Variants in KANSL3 observed in about 807,000 individuals in gnomAD.
KANSL3 encodes NSL complex protein NSL3.
KANSL3 carries 16 observed loss-of-function variants against 89.2 expected under a neutral mutation model. The observed-to-expected ratio is 0.18, with a 90% CI of 0.12 to 0.27. KANSL3 has a LOEUF of 0.27. KANSL3 is among the 10% of genes least tolerant of loss of function. The probability of loss-of-function intolerance (pLI) is 1.00; values close to 1 mark genes in which losing one functional copy is unlikely to be tolerated. For synonymous variants in KANSL3, 385 were observed against 419.7 expected (o/e 0.92, Z 1.01); for missense variants, 879 against 1,110.6 (o/e 0.79, Z 2.96).
rs377047066 is a variant in KANSL3 at position 96,608,588 on chromosome 2, G to C, written c.1661C>G (p.Ser554Cys). 1.9e-6 allele frequency: 3 copies of C among 1,613,910 alleles called. No homozygotes were observed. The highest frequency in any genetic ancestry group is 2.5e-6 in the Non-Finnish European group (3 of 1,179,900). ...KVTTVTSAQK[S>C]SQIGSSQLLK... ...CAGCTGAGAACTTCCAATCTGACTG[G>C]ACTTCTGGGCAGAGGTCACTGTGGT... is the stretch of plus-strand genomic sequence containing the variant. Residue 554 changes from serine (S) to cysteine (C), a missense_variant, in exon 14 of 21, where the codon TCC becomes TGC. Around this residue, in one of 6 missense-constraint regions of KANSL3, gnomAD observed 317 missense variants for 311.2 expected, o/e 1.02. Transcript: ENST00000431828.
the KANSL3 span, among the ~76,000 whole-genome samples, chr2:96,584,180 G>A: frequency 1.3e-5 from 2 of 151,894 alleles, no homozygotes; most frequent in African/African-American, 2.4e-5. Context: ...TTTATTTTTA[G>A]AGACGCTCTT....
At chr2:96,634,511 C>CAA (rs775089756) in intron 2 of KANSL3, among the ~76,000 whole-genome samples, 8 of 115,028 alleles carry the variant, frequency 7.0e-5, no homozygotes, top group Middle Eastern at 4.6e-3. Context: ...GACTCCGTCT[C>CAA]AAAAAAAAAA....
chr2:96,618,807 T>G (rs2070703925), intron 5 of KANSL3, among the ~76,000 whole-genome samples: 1 of 152,234 alleles, frequency 6.6e-6, no homozygotes, highest in South Asian at 2.1e-4. Context: ...GATAGCCTGA[T>G]GCAATCACTG....
rs1260671280 is a variant in KANSL3, at chr2:96,605,376, G to A, written c.1877C>T (p.Ser626Phe). Reference protein sequence around the residue: ...KRPKIKVSLISQGDTAGGPCA... With the variant: ...KRPKIKVSLIFQGDTAGGPCA... ...AGGCCCTCCAGCTGTGTCCCCTTGG[G>A]AGATAAGGGACACCTTGATCTTCGG... The change falls in exon 15 of 21, where the codon TCC (serine) becomes TTC (phenylalanine). Residue 626 changes from serine to phenylalanine, a missense_variant. Physicochemically the swap from Ser to Phe is radical, Grantham distance 155 (BLOSUM62 -2). This residue lies in a region of KANSL3 where 317 missense variants were observed against 311.2 expected (regional missense o/e 1.02). Transcript: ENST00000431828. The A allele has an allele frequency of 6.2e-7, 1 of 1,613,740 alleles. No individual in the cohort carries two copies. Among genetic ancestry groups the A allele is most frequent in the Non-Finnish European group, 8.5e-7 (1 of 1,179,868 alleles).
chr2:96,582,140 C>T, the KANSL3 span, among the ~76,000 whole-genome samples: 2 of 152,086 alleles, frequency 1.3e-5, no homozygotes, highest in East Asian at 1.9e-4. Context: ...TCTATAATCC[C>T]GGCACTTGGG....
chr2:96,636,715 T>C (rs2106319461), intron 2 of KANSL3: 3 of 453,654 alleles, frequency 6.6e-6, no homozygotes, highest in East Asian at 3.4e-5. Context: ...CATTTGCACG[T>C]CTTGCTTTCC....
chr2:96,597,822 C>T (rs187259894), intron 20 of KANSL3, among the ~76,000 whole-genome samples: 5 of 152,158 alleles, frequency 3.3e-5, no homozygotes, highest in East Asian at 1.9e-4. Flanking sequence ...AAGATGGTTT[C>T]GATCTCTTGA....
intron 14 of KANSL3, among the ~76,000 whole-genome samples, chr2:96,607,319 G>C (rs1016812748): frequency 1.3e-5 from 2 of 152,100 alleles, no homozygotes; most frequent in African/African-American, 4.8e-5. Context: ...CTCCATATAT[G>C]TTCGCTATTA....
intron 5 of KANSL3, among the ~76,000 whole-genome samples, chr2:96,618,273 G>T (rs1331416130): frequency 6.6e-6 from 1 of 152,086 alleles, no homozygotes; most frequent in Non-Finnish European, 1.5e-5. Flanking sequence ...GGAGTGCAGT[G>T]GTGGGACTGA....
chr2:96,632,445 C>T (rs1351504704), intron 2 of KANSL3, among the ~76,000 whole-genome samples: 2 of 151,480 alleles, frequency 1.3e-5, no homozygotes, highest in South Asian at 2.1e-4. Context: ...CTGGGTGACA[C>T]GGCAAGACCC....
chr2:96,602,961 G>A, intron 17 of KANSL3, 99 bp from the exon 18 acceptor site: 1 of 1,122,180 alleles, frequency 8.9e-7, no homozygotes, highest in Non-Finnish European at 1.3e-6. Flanking sequence ...TAAAACACCA[G>A]TGGTGCTTGC....
intron 2 of KANSL3, 47 bp downstream of exon 2, chr2:96,636,874 T>G (rs754280870): frequency 7.1e-7 from 1 of 1,402,902 alleles, no homozygotes; most frequent in Non-Finnish European, 9.5e-7. Context: ...TCCCATCTGA[T>G]CACTGCCCAG....
chr2:96,635,810 G>A (rs1289336335), intron 2 of KANSL3, among the ~76,000 whole-genome samples: 1 of 152,020 alleles, frequency 6.6e-6, no homozygotes, highest in African/African-American at 2.4e-5. Context: ...CTAACATGGT[G>A]GGTGGAAACC....
At chr2:96,626,704 GA>G (rs369174998) in intron 3 of KANSL3, among the ~76,000 whole-genome samples, 2 of 151,852 alleles carry the variant, frequency 1.3e-5, no homozygotes, top group African/African-American at 4.8e-5. Flanking sequence ...CATCTGGAGG[GA>G]AAAAAAAGCT....
Position 96,608,928 on chromosome 2 carries a change from G to C in KANSL3, c.1520C>G (p.Pro507Arg), listed in dbSNP as rs201203932. The change falls in exon 13 of 21, where the codon CCT becomes CGT. Residue 507 changes from proline to arginine, a missense_variant. Coordinates refer to ENST00000431828, the MANE Select transcript of KANSL3 (RefSeq NM_001115016.3). ...GGAGGCAGGTCGACTGCCCCGCTCA[G>C]GGACTTCAAAGGCCAAGTCTCTGCG... The part of the protein sequence containing the change: ...VARRDLAFEV[P>R]ERGSRPASPA... The C allele has an allele frequency of 6.4e-7, 1 of 1,570,316 alleles. No individual in the cohort carries two copies. Among genetic ancestry groups the C allele is most frequent in the African/African-American group, 1.4e-5 (1 of 73,968 alleles).
intron 3 of KANSL3, among the ~76,000 whole-genome samples, 167 bp from the exon 4 acceptor site, chr2:96,619,929 T>A (rs2070934260): frequency 3.3e-5 from 5 of 152,224 alleles, no homozygotes; most frequent in Admixed American, 3.3e-4. Flanking sequence ...CCTAGATTCT[T>A]CTGGTCTCAA....
chr2:96,584,252 G>A, the KANSL3 span, among the ~76,000 whole-genome samples: 2 of 152,286 alleles, frequency 1.3e-5, no homozygotes, highest in Admixed American at 6.5e-5. Context: ...CTGGGCTCAA[G>A]AGATACTCCC....
At chr2:96,604,899 C>A (rs1428787314) in intron 15 of KANSL3, 36 bp from the exon 16 acceptor site, 3 of 1,523,582 alleles carry the variant, frequency 2.0e-6, no homozygotes, top group Non-Finnish European at 2.7e-6. Context: ...CCTGGTCAGT[C>A]CTATTTGGCC....
rs1237052638 is a variant in KANSL3 at position 96,602,271 on chromosome 2, A to G, written c.2327T>C (p.Ile776Thr). 4 of 1,612,694 alleles carry G rather than the reference A, an allele frequency of 2.5e-6. No individual in the cohort carries two copies. Among genetic ancestry groups the G allele is most frequent in the Non-Finnish European group, 2.5e-6 (3 of 1,179,476 alleles). ...LGAITTGTSTIVRTIPVATTL... is the reference protein window; with the variant it reads ...LGAITTGTSTTVRTIPVATTL... ...GGTGGCCACAGGAATGGTACGGACA[A>G]TGGTGCTGGTGCCCGTGGTGATGGC... Residue 776 changes from isoleucine (I) to threonine (T), a missense_variant, in exon 19 of 21, where the codon ATT becomes ACT. Coordinates refer to ENST00000431828, the MANE Select transcript of KANSL3 (RefSeq NM_001115016.3).
Sources: allele counts gnomAD v4.1 joint callset (sites outside exome capture counted in the v4.1 genomes callset), GRCh38; gene constraint gnomAD v4.1.1; regional missense constraint gnomAD v4.1.1; transcripts MANE v1.5; gene names NCBI Gene and HGNC (gene_info 2026-07-23, HGNC 2026-07-21).